Variants in SPON1 observed in about 807,000 individuals in gnomAD.
SPON1 encodes the protein spondin 1.
A neutral mutation model predicts 111.7 loss-of-function variants in SPON1; 52 were observed. The observed-to-expected ratio is 0.47, with a 90% CI of 0.37 to 0.59. The LOEUF (loss-of-function observed/expected upper bound fraction) is 0.59, where lower values mean the gene tolerates loss of function less well. SPON1 is among the 20% of genes least tolerant of loss of function. The probability of loss-of-function intolerance (pLI) is 0.00; values close to 1 mark genes in which losing one functional copy is unlikely to be tolerated. For missense variants in SPON1, 957 were observed against 1,068.5 expected (o/e 0.90, Z 1.46); for synonymous variants, 410 against 395.8 (o/e 1.04, Z -0.43).
At chr11:14,238,332 T>C (rs1554939380) in intron 6 of SPON1, among the ~76,000 whole-genome samples, 1 of 151,902 alleles carries the variant, frequency 6.6e-6, no homozygotes, top group African/African-American at 2.4e-5. Flanking sequence ...AGCAAAGGAA[T>C]GTTTAGGATG....
At chr11:14,079,869 C>A in intron 4 of SPON1, 30 bp from the exon 5 acceptor site, 1 of 1,613,634 alleles carries the variant, frequency 6.2e-7, no homozygotes, top group African/African-American at 1.3e-5. Flanking sequence ...CGTTTACTTT[C>A]TAACTTGGTG....
At chr11:14,204,986 C>T (rs1162439314) in intron 6 of SPON1, among the ~76,000 whole-genome samples, 1 of 152,174 alleles carries the variant, frequency 6.6e-6, no homozygotes, top group African/African-American at 2.4e-5. Flanking sequence ...CGCGCCTGGC[C>T]GATCCTCCCT....
intron 6 of SPON1, among the ~76,000 whole-genome samples, chr11:14,227,795 A>G (rs932163448): frequency 6.6e-6 from 1 of 152,240 alleles, no homozygotes; most frequent in Admixed American, 6.5e-5. Flanking sequence ...CAGTTAAGCC[A>G]CAGACCCTCC....
intron 5 of SPON1, among the ~76,000 whole-genome samples, chr11:14,086,985 T>C (rs782400584): frequency 1.3e-5 from 2 of 152,198 alleles, no homozygotes; most frequent in African/African-American, 4.8e-5. Flanking sequence ...GTGGGATCAG[T>C]AGTGATATCC....
At chr11:14,136,632 A>C (rs1259732103) in intron 6 of SPON1, among the ~76,000 whole-genome samples, 2 of 151,930 alleles carry the variant, frequency 1.3e-5, no homozygotes, top group Non-Finnish European at 2.9e-5. Context: ...GGTCACTCTG[A>C]CTCCTGCTAT....
chr11:14,108,208 G>T (rs1293439373), intron 5 of SPON1, among the ~76,000 whole-genome samples: 1 of 152,150 alleles, frequency 6.6e-6, no homozygotes, highest in South Asian at 2.1e-4. Context: ...AGCTCACAAA[G>T]TGTTCGTCAT....
chr11:14,210,062 C>T (rs9734071), intron 6 of SPON1, among the ~76,000 whole-genome samples: 81,880 of 151,988 alleles, frequency 0.54, 22,189 homozygotes, highest in Middle Eastern at 0.6. Flanking sequence ...ATGTCTTCTT[C>T]TGAGAAGTGT....
intron 2 of SPON1, among the ~76,000 whole-genome samples, chr11:14,032,525 G>C (rs1236802261): frequency 6.6e-6 from 1 of 152,212 alleles, no homozygotes; most frequent in Non-Finnish European, 1.5e-5. Context: ...CCGAGGGCCT[G>C]TTAACAGCTG....
chr11:14,038,394 G>A (rs1007678848), intron 2 of SPON1, among the ~76,000 whole-genome samples: 1 of 151,876 alleles, frequency 6.6e-6, no homozygotes, highest in Admixed American at 6.6e-5. Flanking sequence ...GCCTGAACGT[G>A]GGAGGCAGAG....
chr11:14,256,628 C>A lies in SPON1; in HGVS notation c.1245C>A (p.Cys415Ter), dbSNP rs1554941242. The A allele has an allele frequency of 6.2e-7, 1 of 1,612,912 alleles. No individual in the cohort carries two copies. Among genetic ancestry groups the A allele is most frequent in the Non-Finnish European group, 8.5e-7 (1 of 1,179,162 alleles). The change falls in exon 10 of 16, where the codon TGC becomes TGA. Residue 415 changes from cysteine to a stop codon, truncating the protein, a stop_gained. Transcript: ENST00000576479. LOFTEE classifies it high-confidence loss of function. The part of the protein sequence containing the change: ...IERIARKGEQ[C>*]NIVPDNVDDI... ...AATTCCTTTTTCAGGGTGAACAATG[C>A]AATATTGTACCTGACAATGTCGATG...
chr11:14,144,770 T>C (rs1459841356), intron 6 of SPON1, among the ~76,000 whole-genome samples: 1 of 152,152 alleles, frequency 6.6e-6, no homozygotes, highest in Admixed American at 6.5e-5. Flanking sequence ...CTTTGCAGAA[T>C]ATTGTGTGAT....
intron 5 of SPON1, among the ~76,000 whole-genome samples, chr11:14,132,316 G>T (rs1475770753): frequency 6.6e-6 from 1 of 152,110 alleles, no homozygotes; most frequent in African/African-American, 2.4e-5. Context: ...ATGTTGTAAG[G>T]CCATTGTAGG....
At chr11:14,240,592 TGTGTGTG>T (rs2133917088) in intron 6 of SPON1, among the ~76,000 whole-genome samples, 1 of 68,936 alleles carries the variant, frequency 1.5e-5, no homozygotes, top group South Asian at 5.4e-4. Context: ...AGCAATATTG[TGTGTGTG>T]TGTGTGTGTG....
intron 6 of SPON1, among the ~76,000 whole-genome samples, chr11:14,168,055 G>A (rs1246041388): frequency 5.3e-5 from 8 of 152,032 alleles, no homozygotes; most frequent in East Asian, 3.8e-4. Flanking sequence ...CACCTTGTAC[G>A]TAAAACTGTT....
chr11:13,989,471 T>G (rs1405404392), intron 2 of SPON1, among the ~76,000 whole-genome samples: 4 of 152,162 alleles, frequency 2.6e-5, no homozygotes, highest in Non-Finnish European at 4.4e-5. Flanking sequence ...GTCTATCTAT[T>G]TTGTTGATCT....
At chr11:14,106,261 T>G (rs1849183509) in intron 5 of SPON1, among the ~76,000 whole-genome samples, 2 of 152,190 alleles carry the variant, frequency 1.3e-5, no homozygotes, top group African/African-American at 4.8e-5. Flanking sequence ...CATACTTTAA[T>G]AATAAAGACT....
intron 5 of SPON1, among the ~76,000 whole-genome samples, chr11:14,086,487 G>A (rs1027543083): frequency 3.9e-5 from 6 of 152,146 alleles, no homozygotes; most frequent in Non-Finnish European, 5.9e-5. Flanking sequence ...TGCATCCCAG[G>A]TATGAAGCCG....
In SPON1 at chr11:14,253,533, A is replaced by G. The variant is rs1849074602; in HGVS notation, c.891-995A>G. On this transcript the variant is annotated intron_variant, in intron 7 of 15. Coordinates refer to ENST00000576479, the MANE Select transcript of SPON1 (RefSeq NM_006108.4). Reference sequence around the variant, plus strand: ...CCAGGCCCCAGTCGGGTCTGCAGTCATTGCTTTCTGGTGCCAGGTGAGGGC... The same window carrying G: ...CCAGGCCCCAGTCGGGTCTGCAGTCGTTGCTTTCTGGTGCCAGGTGAGGGC... Among the ~76,000 whole-genome samples, 4 of 152,372 alleles carry G rather than the reference A, an allele frequency of 2.6e-5. No individual in the cohort carries two copies. In the South Asian group the frequency reaches 8.3e-4, roughly 32 times the overall value.
chr11:13,962,883 C>A lies in SPON1; in HGVS notation c.-22C>A. 6.9e-7 allele frequency: 1 copy of A among 1,458,632 alleles called. No individual in the cohort carries two copies. The highest frequency in any genetic ancestry group is 9.0e-7 in the Non-Finnish European group (1 of 1,111,342). The allele number at this position is 1,458,632 out of a possible 1,614,324, so 90.4% of individuals were successfully genotyped here. A position where few individuals can be genotyped will look rare whatever the true frequency, so the allele number is the denominator to read the frequency against. On this transcript the variant is annotated 5_prime_UTR_variant, in exon 1 of 16. Transcript: ENST00000576479. ...GCGTGGCGAAGGCCTGCGGCCGCGG[C>A]ACAAAGTTGGGGGCCGCGAAGATGA...
Sources: allele counts gnomAD v4.1 joint callset (sites outside exome capture counted in the v4.1 genomes callset), GRCh38; gene constraint gnomAD v4.1.1; transcripts MANE v1.5; gene names NCBI Gene and HGNC (gene_info 2026-07-23, HGNC 2026-07-21).